Variants in ENTHD1 observed in about 807,000 individuals in gnomAD.
ENTHD1 encodes the protein ENTH domain containing 1, also known as ENTH domain-containing protein 1.
In ENTHD1, 23 loss-of-function variants were observed where a neutral mutation model predicts 39.1. That is an observed-to-expected ratio of 0.59 (90% CI 0.42 to 0.83). The LOEUF (loss-of-function observed/expected upper bound fraction) is 0.83, where lower values mean the gene tolerates loss of function less well. ENTHD1 is among the 40% of genes least tolerant of loss of function. The pLI is 0.00. For missense variants in ENTHD1, 624 were observed against 705.4 expected, an observed-to-expected ratio of 0.88 and a Z score of 1.31; for synonymous variants, 230 against 258.2, an observed-to-expected ratio of 0.89 and a Z score of 1.05.
intron 1 of ENTHD1, 48 bp from the exon 2 acceptor site, chr22:39,887,951 T>C (rs539096555): frequency 2.1e-6 from 1 of 480,850 alleles, no homozygotes; most frequent in South Asian, 4.5e-5. Flanking sequence ...TTTTTAAGTC[T>C]ATAGAAGACC....
intron 3 of ENTHD1, among the ~76,000 whole-genome samples, chr22:39,859,262 C>A (rs1200818001): frequency 1.3e-5 from 2 of 152,148 alleles, no homozygotes; most frequent in East Asian, 3.8e-4. Context: ...ACCATGCAAC[C>A]TTTCTCTATA....
chr22:39,834,992 ACTT>A (rs2065897406), intron 4 of ENTHD1, among the ~76,000 whole-genome samples: 1 of 152,078 alleles, frequency 6.6e-6, no homozygotes, highest in African/African-American at 2.4e-5. Flanking sequence ...AGCACGAGGC[ACTT>A]CTTTTGTGGT....
chr22:39,835,788 C>A, intron 4 of ENTHD1, 52 bp downstream of exon 4: 1 of 1,340,660 alleles, frequency 7.5e-7, no homozygotes, highest in Non-Finnish European at 1.0e-6. Context: ...TGTTTTAAGG[C>A]ACAAAACTTG....
intron 5 of ENTHD1, among the ~76,000 whole-genome samples, chr22:39,796,997 T>C (rs1034923084): frequency 1.3e-5 from 2 of 152,210 alleles, no homozygotes; most frequent in South Asian, 4.1e-4. Context: ...TTGGAGCCTA[T>C]CTCACCTTTT....
intron 2 of ENTHD1, among the ~76,000 whole-genome samples, chr22:39,885,623 G>A (rs960554403): frequency 6.6e-6 from 1 of 152,118 alleles, no homozygotes; most frequent in African/African-American, 2.4e-5. Context: ...AATGTGTAAT[G>A]TACATACAAT....
At chr22:39,888,716 G>A (rs901979071) in intron 1 of ENTHD1, among the ~76,000 whole-genome samples, 3 of 152,004 alleles carry the variant, frequency 2.0e-5, no homozygotes, top group Admixed American at 6.6e-5. Context: ...GTGAGCCACC[G>A]CTTCCGGCCT....
rs774369968 is a variant in ENTHD1 at position 39,861,770 on chromosome 22, T to G, written c.587A>C (p.Asn196Thr). The G allele has an allele frequency of 1.4e-5, 22 of 1,530,986 alleles. No individual in the cohort carries two copies. Among genetic ancestry groups the G allele is most frequent in the South Asian group, 9.3e-5 (7 of 75,060 alleles). The allele number at this position is 1,530,986 out of a possible 1,614,324, so 94.8% of individuals were successfully genotyped here. The change falls in exon 3 of 7, where the codon AAT becomes ACT. Residue 196 changes from asparagine (N) to threonine (T), a missense_variant. Coordinates refer to ENST00000325157, the MANE Select transcript of ENTHD1 (RefSeq NM_152512.4). ...YKLPKFGRLHNKRNVCKAGLK... is the reference protein window; with the variant it reads ...YKLPKFGRLHTKRNVCKAGLK... ...CCAATGTTCATTATACGTACTTTTATTATGTAACCTTCCAAACTTAGGAAG... is the reference window on the plus strand; with the variant it reads ...CCAATGTTCATTATACGTACTTTTAGTATGTAACCTTCCAAACTTAGGAAG...
At chr22:39,843,861 A>C (rs2065965940) in intron 3 of ENTHD1, among the ~76,000 whole-genome samples, 1 of 152,162 alleles carries the variant, frequency 6.6e-6, no homozygotes, top group Non-Finnish European at 1.5e-5. Flanking sequence ...GATTCAGTTG[A>C]GAGCCCACAG....
intron 5 of ENTHD1, among the ~76,000 whole-genome samples, chr22:39,791,485 C>T (rs1050742580): frequency 6.6e-6 from 1 of 152,010 alleles, no homozygotes; most frequent in Admixed American, 6.6e-5. Flanking sequence ...ACCTCCACCT[C>T]CTGGGTTCAA....
At position 39,765,407 on chromosome 22, in the gene ENTHD1, G is replaced by C; in HGVS notation, c.1035C>G (p.Pro345=). The change falls in exon 6 of 7, where the codon CCC becomes CCG. Residue 345 remains proline (P), a synonymous_variant. Transcript: ENST00000325157. ...AATCTGACTTTGATACCCTTAAGTC[G>C]GGGCTGATAAACTCCTCTTTACTTG... ...CWSSKEEFIS[P]DLRVSKSDST... is the part of the protein sequence containing the mutation. The C allele has an allele frequency of 6.2e-7, 1 of 1,613,962 alleles. No individual in the cohort carries two copies. The highest frequency in any genetic ancestry group is 1.7e-4 in the Middle Eastern group (1 of 6,060).
At chr22:39,807,370 T>C (rs2065650984) in intron 5 of ENTHD1, among the ~76,000 whole-genome samples, 1 of 152,214 alleles carries the variant, frequency 6.6e-6, no homozygotes, top group South Asian at 2.1e-4. Flanking sequence ...TACCCTGGCA[T>C]AATTTTTCAC....
intron 6 of ENTHD1, among the ~76,000 whole-genome samples, chr22:39,749,843 CAGG>C: frequency 6.6e-6 from 1 of 152,306 alleles, no homozygotes; most frequent in Non-Finnish European, 1.5e-5. Flanking sequence ...CGAAGGGTTC[CAGG>C]GCTGGGCACT....
At chr22:39,859,598 T>C (rs750987378) in intron 3 of ENTHD1, among the ~76,000 whole-genome samples, 13 of 152,092 alleles carry the variant, frequency 8.5e-5, no homozygotes, top group Admixed American at 6.6e-5. Context: ...GAGATCGGGA[T>C]CAGTGAAGCA....
At chr22:39,775,646 C>A (rs2065359957) in intron 5 of ENTHD1, among the ~76,000 whole-genome samples, 1 of 152,104 alleles carries the variant, frequency 6.6e-6, no homozygotes, top group African/African-American at 2.4e-5. Flanking sequence ...CGTAAAGAGA[C>A]TCGATTTCCC....
intron 5 of ENTHD1, among the ~76,000 whole-genome samples, chr22:39,769,106 A>G (rs1260283368): frequency 6.6e-6 from 1 of 152,172 alleles, no homozygotes; most frequent in African/African-American, 2.4e-5. Flanking sequence ...GTATATGTAC[A>G]CATATACACA....
At chr22:39,865,818 A>G (rs1288145535) in intron 2 of ENTHD1, among the ~76,000 whole-genome samples, 2 of 152,220 alleles carry the variant, frequency 1.3e-5, no homozygotes, top group African/African-American at 2.4e-5. Context: ...TGCAAAAGCT[A>G]GGGAAAACCA....
At chr22:39,889,651 A>C (rs1208792862) in intron 1 of ENTHD1, among the ~76,000 whole-genome samples, 3 of 152,222 alleles carry the variant, frequency 2.0e-5, no homozygotes, top group African/African-American at 7.2e-5. Context: ...TAACTAGCTC[A>C]GCCTTGATTA....
At chr22:39,749,799 C>A (rs1174365109) in intron 6 of ENTHD1, among the ~76,000 whole-genome samples, 1 of 152,232 alleles carries the variant, frequency 6.6e-6, no homozygotes, top group African/African-American at 2.4e-5. Context: ...CAGGAGGAGG[C>A]AACCATGCCG....
At chr22:39,805,038 G>A (rs1162204344) in intron 5 of ENTHD1, among the ~76,000 whole-genome samples, 1 of 152,190 alleles carries the variant, frequency 6.6e-6, no homozygotes, top group African/African-American at 2.4e-5. Context: ...CAAGGGCTAA[G>A]TCTTGGGAGC....
Sources: gnomAD v4.1 joint callset for allele counts (sites outside exome capture counted in the v4.1 genomes callset) on GRCh38, gnomAD v4.1.1 for gene constraint, MANE v1.5 for transcripts, NCBI Gene and HGNC (gene_info 2026-07-23, HGNC 2026-07-21) for gene names.